The following VAC14 variants were observed in gnomAD, a reference collection of about 807,000 sequenced individuals.
VAC14 encodes protein VAC14 homolog.
VAC14 carries 47 observed loss-of-function variants against 85.3 expected under a neutral mutation model. The observed-to-expected ratio is 0.55, with a 90% CI of 0.44 to 0.70. The LOEUF is 0.70. Among genes scored for constraint, VAC14 ranks in the 30% least tolerant of loss-of-function variants. VAC14 has a pLI of 0.00. For synonymous variants in VAC14, 447 were observed against 430.5 expected, an observed-to-expected ratio of 1.04 and a Z score of -0.47; for missense variants, 861 against 1,004.3, an observed-to-expected ratio of 0.86 and a Z score of 1.93.
rs577030009 is a variant in VAC14 at position 70,752,198 on chromosome 16, C to A, written c.1372-7619G>T. ...CTTTCCTTCAGTGTCCAGCACTGTG[C>A]CACATATGCCAGAGGCCAGCGCCTA... On this transcript the variant is annotated intron_variant, in intron 12 of 18. Transcript: ENST00000261776. 2.0e-5 allele frequency among the ~76,000 whole-genome samples: 3 copies of A among 152,232 alleles called. No individual in the cohort carries two copies. The South Asian group carries it at 6.2e-4, about 32-fold the overall frequency.
At chr16:70,758,178 G>A (rs188911283) in intron 12 of VAC14, among the ~76,000 whole-genome samples, 2 of 152,368 alleles carry the variant, frequency 1.3e-5, no homozygotes, top group South Asian at 4.1e-4. Context: ...GCTCCTGGGT[G>A]GGGGAGTTCA....
intron 12 of VAC14, among the ~76,000 whole-genome samples, chr16:70,753,618 C>CAACT (rs10687907): frequency 0.27 from 40,703 of 151,896 alleles, 8,325 homozygotes; most frequent in African/African-American, 0.58. Flanking sequence ...TCTGTGCTCC[C>CAACT]AGAGATGTGC....
rs199713327 is a variant in VAC14, at chr16:70,762,598, C to T, written c.1313G>A (p.Arg438Gln). Residue 438 changes from arginine (R) to glutamine (Q), a missense_variant, in exon 12 of 19, where the codon CGG (arginine) becomes CAG (glutamine). Physicochemically the swap from Arg to Gln is conservative, Grantham distance 43. Transcript: ENST00000261776. The surrounding 1 kb of genome is among the most constrained non-coding windows in gnomAD (Gnocchi z 4.1). ...LYIKTPRKMF[R>Q]HTDSLFPILL... ...GATGGGAAAGAGGCTGTCCGTGTGC[C>T]GGAACATCTGGAGGGCAGAGAAGCA... is the stretch of plus-strand genomic sequence containing the variant. The T allele has an allele frequency of 8.7e-5, 140 of 1,613,922 alleles. No individual in the cohort carries two copies. Among genetic ancestry groups the T allele is most frequent in the Non-Finnish European group, 1.1e-4 (131 of 1,179,980 alleles).
intron 17 of VAC14, 80 bp from the exon 18 acceptor site, chr16:70,693,051 G>A (rs1479355716): frequency 2.0e-6 from 3 of 1,513,216 alleles, no homozygotes; most frequent in South Asian, 1.3e-5. Flanking sequence ...GCCTCCGACT[G>A]GCCAGGACCA....
chr16:70,706,740 C>G (rs1385667847), intron 14 of VAC14, among the ~76,000 whole-genome samples: 1 of 152,196 alleles, frequency 6.6e-6, no homozygotes, highest in Non-Finnish European at 1.5e-5. Flanking sequence ...GATCCACCCG[C>G]CTCGGCCTCC....
intron 14 of VAC14, among the ~76,000 whole-genome samples, 163 bp from the exon 15 acceptor site, chr16:70,698,974 G>C (rs1026722060): frequency 8.5e-5 from 13 of 152,104 alleles, no homozygotes; most frequent in Non-Finnish European, 1.8e-4. Context: ...TGGGAGGGCG[G>C]GGAAGGGTGG....
At chr16:70,761,018 T>TGC (rs1317737825) in intron 12 of VAC14, 26 of 267,834 alleles carry the variant, frequency 9.7e-5, no homozygotes, top group African/African-American at 4.7e-4. Flanking sequence ...TGTGTGTGTG[T>TGC]GCATGGGGGG....
intron 14 of VAC14, among the ~76,000 whole-genome samples, chr16:70,720,576 T>C (rs766326167): frequency 2.0e-5 from 3 of 151,984 alleles, no homozygotes; most frequent in South Asian, 2.1e-4. Flanking sequence ...GGGCTGGGAG[T>C]TGTCAAGTTT....
At chr16:70,723,537 C>A (rs146729429) in intron 14 of VAC14, among the ~76,000 whole-genome samples, 1 of 152,210 alleles carries the variant, frequency 6.6e-6, no homozygotes, top group East Asian at 1.9e-4. Flanking sequence ...GCTGGAGTGA[C>A]CAATGTCAAA....
chr16:70,791,622 G>C (rs2034343364), intron 1 of VAC14, among the ~76,000 whole-genome samples: 1 of 152,194 alleles, frequency 6.6e-6, no homozygotes, highest in African/African-American at 2.4e-5. Context: ...CTGGCCTCTA[G>C]TGATCCGCCC....
chr16:70,715,308 A>AC (rs1432969271), intron 14 of VAC14: 3 of 151,662 alleles, frequency 2.0e-5, no homozygotes, highest in African/African-American at 7.3e-5. Flanking sequence ...CAGGCTGGGC[A>AC]CCCCCTCCCC....
chr16:70,752,271 G>A (rs186517425), intron 12 of VAC14, among the ~76,000 whole-genome samples: 32 of 152,320 alleles, frequency 2.1e-4, no homozygotes, highest in Admixed American at 3.9e-4. Flanking sequence ...CACCATTAGT[G>A]CCAGCACTGG....
rs143423345 is a variant in VAC14, at chr16:70,712,081, C to A, written c.1662-13270G>T. On this transcript the variant is annotated intron_variant, in intron 14 of 18. Coordinates refer to ENST00000261776, the MANE Select transcript of VAC14 (RefSeq NM_018052.5). ...GTTCTCCTATTTGTACCCTCCCCCA[C>A]CCCCTCCCGGGAGGCTGAAAAAATT... Among the ~76,000 whole-genome samples the A allele has an allele frequency of 5.7e-3, 861 of 152,178 alleles. 4 individuals carry two copies. The highest frequency in any genetic ancestry group is 9.8e-3 in the Non-Finnish European group (669 of 67,986).
At chr16:70,776,298 G>T (rs1417405308) in intron 9 of VAC14, among the ~76,000 whole-genome samples, 1 of 152,140 alleles carries the variant, frequency 6.6e-6, no homozygotes, top group Non-Finnish European at 1.5e-5. Flanking sequence ...TGTAGAGACA[G>T]GGTCTCTCAC....
intron 14 of VAC14, among the ~76,000 whole-genome samples, chr16:70,717,243 A>C (rs1411271382): frequency 6.6e-6 from 1 of 152,220 alleles, no homozygotes; most frequent in Non-Finnish European, 1.5e-5. Context: ...CAGGTGCTGA[A>C]GGCTGGGGTG....
In VAC14 at chr16:70,693,045, C is replaced by T. The variant is rs929421612; in HGVS notation, c.2036-74G>A. 7.5e-5 allele frequency: 115 copies of T among 1,529,634 alleles called. 2 individuals carry two copies. The Admixed American group carries it at 8.0e-4, about 11-fold the overall frequency. The allele number at this position is 1,529,634 out of a possible 1,614,324, so 94.8% of individuals were successfully genotyped here. On this transcript the variant is annotated intron_variant, in intron 17 of 18. Coordinates refer to ENST00000261776, the MANE Select transcript of VAC14 (RefSeq NM_018052.5). The stretch of plus-strand genomic sequence containing the variant: ...CACGCCCAGCCCACACTGCCTGCCT[C>T]CGACTGGCCAGGACCACCTGGGACT...
intron 12 of VAC14, among the ~76,000 whole-genome samples, chr16:70,750,911 C>A (rs1206395046): frequency 3.3e-5 from 5 of 152,106 alleles, no homozygotes; most frequent in Non-Finnish European, 1.5e-5. Flanking sequence ...GGACTGGACA[C>A]CAGATTTGCA....
chr16:70,788,336 C>G (rs994640954), intron 1 of VAC14, among the ~76,000 whole-genome samples: 2 of 152,220 alleles, frequency 1.3e-5, no homozygotes, highest in Non-Finnish European at 2.9e-5. Context: ...AGGCACTGTT[C>G]ACGCAAGAGG....
chr16:70,783,638 G>T, intron 5 of VAC14, 84 bp from the exon 6 acceptor site: 1 of 1,369,552 alleles, frequency 7.3e-7, no homozygotes, highest in Non-Finnish European at 1.0e-6. Flanking sequence ...TGGGCTGTAG[G>T]AAGGGGACCC....
Sources: gnomAD v4.1 joint callset for allele counts (sites outside exome capture counted in the v4.1 genomes callset) on GRCh38, gnomAD v4.1.1 for gene constraint, Gnocchi (gnomAD v3.1) non-coding constraint, MANE v1.5 for transcripts, NCBI Gene and HGNC (gene_info 2026-07-23, HGNC 2026-07-21) for gene names.